Variants in PCGF5 observed in about 807,000 individuals in gnomAD.
The protein encoded by PCGF5 is polycomb group RING finger protein 5.
A neutral mutation model predicts 44.3 loss-of-function variants in PCGF5; 9 were observed. That is an observed-to-expected ratio of 0.20 (90% CI 0.12 to 0.35). PCGF5 has a LOEUF of 0.35. Among genes scored for constraint, PCGF5 ranks in the 10% least tolerant of loss-of-function variants. The pLI, the probability that PCGF5 is intolerant of heterozygous loss-of-function variation, is 1.00. For synonymous variants in PCGF5, 95 were observed against 102.5 expected, an observed-to-expected ratio of 0.93 and a Z score of 0.44; for missense variants, 146 against 305.3, an observed-to-expected ratio of 0.48 and a Z score of 3.89.
At chr10:91,195,908 T>C (rs1844125155) in intron 1 of PCGF5, among the ~76,000 whole-genome samples, 1 of 151,368 alleles carries the variant, frequency 6.6e-6, no homozygotes, top group South Asian at 2.1e-4. Context: ...AATCCAAGGT[T>C]TGTTCATCAA....
intron 3 of PCGF5, among the ~76,000 whole-genome samples, chr10:91,242,774 G>A (rs1483249019): frequency 6.6e-6 from 1 of 152,168 alleles, no homozygotes; most frequent in East Asian, 1.9e-4. Flanking sequence ...TTGAGGGTAA[G>A]TTACATGTGT....
chr10:91,182,640 G>A (rs903208369), intron 1 of PCGF5, among the ~76,000 whole-genome samples: 2 of 152,036 alleles, frequency 1.3e-5, no homozygotes, highest in African/African-American at 4.8e-5. Context: ...ATGTTAAGTT[G>A]TTAACCTGAG....
chr10:91,210,717 C>T (rs538628746), intron 1 of PCGF5, among the ~76,000 whole-genome samples: 3 of 152,320 alleles, frequency 2.0e-5, no homozygotes, highest in African/African-American at 4.8e-5. Context: ...CACCTGCTTT[C>T]TGTTGTTTGG....
intron 3 of PCGF5, among the ~76,000 whole-genome samples, chr10:91,241,063 T>TTTTA (rs888747231): frequency 1.5e-3 from 216 of 148,468 alleles, no homozygotes; most frequent in African/African-American, 4.6e-3. Flanking sequence ...ATAATATATA[T>TTTTA]TTTATTTATT....
intron 2 of PCGF5, among the ~76,000 whole-genome samples, chr10:91,226,746 A>T (rs1473286762): frequency 2.0e-5 from 3 of 152,144 alleles, no homozygotes; most frequent in African/African-American, 4.8e-5. Flanking sequence ...GGAGGTAGAG[A>T]TGGTGGGGCA....
chr10:91,252,617 G>A (rs112087548), intron 6 of PCGF5, among the ~76,000 whole-genome samples: 1 of 152,118 alleles, frequency 6.6e-6, no homozygotes, highest in African/African-American at 2.4e-5. Flanking sequence ...AATGACCACT[G>A]TACCTATTTA....
intron 1 of PCGF5, among the ~76,000 whole-genome samples, chr10:91,172,453 GTAAT>G (rs1353662450): frequency 6.6e-6 from 1 of 152,090 alleles, no homozygotes; most frequent in African/African-American, 2.4e-5. Context: ...GGCAGAAGAA[GTAAT>G]TAAAGTATCC....
intron 1 of PCGF5, among the ~76,000 whole-genome samples, chr10:91,197,176 T>C (rs928948062): frequency 6.6e-6 from 1 of 152,206 alleles, no homozygotes; most frequent in Non-Finnish European, 1.5e-5. Context: ...AGTCAGGAAT[T>C]TGGAGTCTGG....
chr10:91,246,544 A>G (rs1845463473), intron 3 of PCGF5, among the ~76,000 whole-genome samples: 1 of 152,146 alleles, frequency 6.6e-6, no homozygotes, highest in African/African-American at 2.4e-5. Context: ...AACTAACACA[A>G]TCAGATTAGC....
intron 6 of PCGF5, among the ~76,000 whole-genome samples, chr10:91,259,041 G>C (rs1464671626): frequency 1.3e-5 from 2 of 152,148 alleles, no homozygotes; most frequent in Middle Eastern, 3.4e-3. Flanking sequence ...ATGTAATTTT[G>C]TTTCACATAT....
At chr10:91,259,127 A>G (rs1278322520) in intron 6 of PCGF5, among the ~76,000 whole-genome samples, 1 of 152,154 alleles carries the variant, frequency 6.6e-6, no homozygotes, top group African/African-American at 2.4e-5. Flanking sequence ...ATTGGTTCTT[A>G]TATTTTAGTG....
At chr10:91,200,035 A>G (rs534104532) in intron 1 of PCGF5, among the ~76,000 whole-genome samples, 14 of 152,216 alleles carry the variant, frequency 9.2e-5, no homozygotes, top group Non-Finnish European at 1.6e-4. Flanking sequence ...AGGCTATCCT[A>G]CCCAAAGGAC....
upstream of PCGF5, among the ~76,000 whole-genome samples, chr10:91,158,685 TC>T (rs750829951): frequency 2.0e-5 from 3 of 152,162 alleles, no homozygotes; most frequent in Non-Finnish European, 4.4e-5. Context: ...AGAAATTTGT[TC>T]TCTTCCATCA....
chr10:91,163,366 T>G (rs976815902), intron 1 of PCGF5, among the ~76,000 whole-genome samples: 2 of 151,478 alleles, frequency 1.3e-5, no homozygotes, highest in Non-Finnish European at 3.0e-5. Context: ...AGGAACTTTC[T>G]CTTCCCCAGA....
At chr10:91,260,736 C>T (rs1294307403) in intron 6 of PCGF5, among the ~76,000 whole-genome samples, 2 of 146,194 alleles carry the variant, frequency 1.4e-5, no homozygotes, top group African/African-American at 2.5e-5. Context: ...CGCATGTTCT[C>T]ACTCATAGGT....
At chr10:91,205,946 C>T (rs1336897793) in intron 1 of PCGF5, among the ~76,000 whole-genome samples, 2 of 152,000 alleles carry the variant, frequency 1.3e-5, no homozygotes, top group African/African-American at 4.8e-5. Context: ...TGCTTGAACC[C>T]GGGAGGCACA....
chr10:91,173,531 T>G (rs1843649194), intron 1 of PCGF5, among the ~76,000 whole-genome samples: 2 of 150,496 alleles, frequency 1.3e-5, no homozygotes, highest in African/African-American at 4.9e-5. Context: ...ATTTAATTTG[T>G]TTTTCCTTCC....
chr10:91,217,112 C>A (rs1844556227), upstream of PCGF5, among the ~76,000 whole-genome samples: 1 of 152,104 alleles, frequency 6.6e-6, no homozygotes, highest in African/African-American at 2.4e-5. Context: ...TGGCTCACTG[C>A]AAGTTCCACC....
At chr10:91,174,431 C>G (rs1712555254) in intron 1 of PCGF5, among the ~76,000 whole-genome samples, 1 of 152,094 alleles carries the variant, frequency 6.6e-6, no homozygotes, top group African/African-American at 2.4e-5. Flanking sequence ...CACTTGAACC[C>G]AGGAGGTGGA....
Sources: gnomAD v4.1 joint callset for allele counts (sites outside exome capture counted in the v4.1 genomes callset) on GRCh38, gnomAD v4.1.1 for gene constraint, MANE v1.5 for transcripts, NCBI Gene and HGNC (gene_info 2026-07-23, HGNC 2026-07-21) for gene names.